The following UBE2E2 variants were observed in gnomAD, a reference collection of about 807,000 sequenced individuals.
UBE2E2 encodes ubiquitin-conjugating enzyme E2 E2.
In UBE2E2, 6 loss-of-function variants were observed where a neutral mutation model predicts 24.7. The ratio of observed to expected loss-of-function variants is 0.24; its 90% confidence interval spans 0.13 to 0.48. The LOEUF is 0.48. Ranked by LOEUF, UBE2E2 falls within the 20% of genes least tolerant of loss-of-function variation. The pLI, the probability that UBE2E2 is intolerant of heterozygous loss-of-function variation, is 0.99. For synonymous variants in UBE2E2, 104 were observed against 83.6 expected (o/e 1.24, Z -1.33); for missense variants, 169 against 245.0 (o/e 0.69, Z 2.07).
intron 4 of UBE2E2, among the ~76,000 whole-genome samples, chr3:23,509,460 T>C (rs1293579979): frequency 6.6e-6 from 1 of 152,234 alleles, no homozygotes; most frequent in Admixed American, 6.5e-5. Flanking sequence ...TGTGACGTTA[T>C]TTTGTTCAAG....
At chr3:23,483,974 T>G (rs571136644) in intron 3 of UBE2E2, among the ~76,000 whole-genome samples, 1 of 152,322 alleles carries the variant, frequency 6.6e-6, no homozygotes, top group East Asian at 1.9e-4. Context: ...AGCAGCGAAC[T>G]TAATGACCCC....
chr3:23,534,314 C>G (rs1695202645), intron 5 of UBE2E2: 1 of 881,694 alleles, frequency 1.1e-6, no homozygotes, highest in Non-Finnish European at 1.4e-6. Context: ...AAAAAGACTT[C>G]TGTTCAGTGA....
chr3:23,245,930 G>T (rs1697382349), intron 3 of UBE2E2, among the ~76,000 whole-genome samples: 1 of 152,184 alleles, frequency 6.6e-6, no homozygotes, highest in Non-Finnish European at 1.5e-5. Context: ...TAATGGATAA[G>T]TAGGTGGATA....
At position 23,403,808 on chromosome 3, in the gene UBE2E2, C is replaced by CAA. The variant is rs375422962; in HGVS notation, c.228-95783_228-95782dup. On this transcript the variant is annotated intron_variant, in intron 3 of 5. Transcript: ENST00000396703. The stretch of plus-strand genomic sequence containing the variant: ...GGGCGACAAAGTGAGATTCCGTCTC[C>CAA]AAAAAAAAAAAAAAAAAAGCCATTG... 1.9e-4 allele frequency among the ~76,000 whole-genome samples: 16 copies of CAA among 82,154 alleles called. 1 individual carries two copies. In the South Asian group the frequency reaches 4.0e-3, roughly 21 times the overall value. The allele number at this position is 82,154 out of a possible 152,430, so 53.9% of individuals were successfully genotyped here.
At chr3:23,334,230 A>G (rs1695144938) in intron 3 of UBE2E2, among the ~76,000 whole-genome samples, 1 of 152,180 alleles carries the variant, frequency 6.6e-6, no homozygotes. Context: ...TTTTCTTTTA[A>G]AAAGAGATTT....
intron 3 of UBE2E2, among the ~76,000 whole-genome samples, chr3:23,356,946 C>T (rs1695973267): frequency 6.6e-6 from 1 of 152,334 alleles, no homozygotes; most frequent in South Asian, 2.1e-4. Flanking sequence ...CACTGTGTAA[C>T]TGGGTGATTC....
At chr3:23,396,976 TG>T (rs1313550983) in intron 3 of UBE2E2, among the ~76,000 whole-genome samples, 4 of 152,218 alleles carry the variant, frequency 2.6e-5, no homozygotes, top group Middle Eastern at 3.2e-3. Flanking sequence ...TGCAATGTGC[TG>T]GCTCTTGTGA....
At chr3:23,264,176 C>A (rs1188572965) in intron 3 of UBE2E2, among the ~76,000 whole-genome samples, 1 of 151,804 alleles carries the variant, frequency 6.6e-6, no homozygotes, top group Non-Finnish European at 1.5e-5. Flanking sequence ...GACTGCAAAC[C>A]CTAGGAAGTC....
chr3:23,561,651 A>G (rs1695932207), intron 5 of UBE2E2, among the ~76,000 whole-genome samples: 1 of 151,402 alleles, frequency 6.6e-6, no homozygotes, highest in Non-Finnish European at 1.5e-5. Flanking sequence ...GAATCTATAA[A>G]TTACCTTGGG....
chr3:23,309,608 G>A (rs542918627), intron 3 of UBE2E2, among the ~76,000 whole-genome samples: 8 of 152,116 alleles, frequency 5.3e-5, no homozygotes, highest in African/African-American at 9.7e-5. Context: ...GTCTCCTGAC[G>A]TCTTTCACAT....
intron 1 of UBE2E2, among the ~76,000 whole-genome samples, chr3:23,206,189 C>G (rs1696141605): frequency 1.3e-5 from 2 of 152,064 alleles, no homozygotes; most frequent in African/African-American, 4.8e-5. Flanking sequence ...AGCACCTTTC[C>G]CTGAGGATTG....
intron 5 of UBE2E2, among the ~76,000 whole-genome samples, chr3:23,546,073 A>C (rs948406390): frequency 6.6e-6 from 1 of 152,218 alleles, no homozygotes; most frequent in Non-Finnish European, 1.5e-5. Flanking sequence ...ACTCACGTGT[A>C]GGTATACTAA....
In UBE2E2 at chr3:23,294,297, A is replaced by G. The variant is rs532571349; in HGVS notation, c.227+76985A>G. Reference sequence around the variant, plus strand: ...ATAAATCAGTATGTGCAGTTAAACTAGGAAAAACACTAATATTTATTATAT... The same window carrying G: ...ATAAATCAGTATGTGCAGTTAAACTGGGAAAAACACTAATATTTATTATAT... On this transcript the variant is annotated intron_variant, in intron 3 of 5. Coordinates refer to ENST00000396703, the MANE Select transcript of UBE2E2 (RefSeq NM_152653.4). Among the ~76,000 whole-genome samples, 63 of 152,308 alleles carry G rather than the reference A, an allele frequency of 4.1e-4. 2 individuals carry two copies. The South Asian group carries it at 0.013, about 32-fold the overall frequency.
chr3:23,343,138 T>C (rs1695447178), intron 3 of UBE2E2, among the ~76,000 whole-genome samples: 1 of 152,096 alleles, frequency 6.6e-6, no homozygotes, highest in South Asian at 2.1e-4. Context: ...ACAAACTACA[T>C]TTTCTTATTT....
intron 3 of UBE2E2, among the ~76,000 whole-genome samples, chr3:23,483,018 A>G (rs1699289093): frequency 6.6e-6 from 1 of 152,226 alleles, no homozygotes; most frequent in African/African-American, 2.4e-5. Flanking sequence ...TCTAATCTGT[A>G]CTTTTATTGG....
chr3:23,327,294 T>G (rs1409879981), intron 3 of UBE2E2, among the ~76,000 whole-genome samples: 1 of 152,166 alleles, frequency 6.6e-6, no homozygotes, highest in African/African-American at 2.4e-5. Context: ...CCACCAACAG[T>G]GTAAAAGTGT....
At chr3:23,467,722 C>T (rs1311957388) in intron 3 of UBE2E2, among the ~76,000 whole-genome samples, 1 of 152,146 alleles carries the variant, frequency 6.6e-6, no homozygotes, top group African/African-American at 2.4e-5. Context: ...TACGTTCTCA[C>T]ACTGCTATAA....
At chr3:23,491,520 A>G (rs947703560) in intron 3 of UBE2E2, among the ~76,000 whole-genome samples, 3 of 152,218 alleles carry the variant, frequency 2.0e-5, no homozygotes, top group African/African-American at 7.2e-5. Context: ...GGTCAGACCT[A>G]CAGAACATCT....
At chr3:23,235,293 G>A (rs901132949) in intron 3 of UBE2E2, among the ~76,000 whole-genome samples, 9 of 152,162 alleles carry the variant, frequency 5.9e-5, no homozygotes, top group African/African-American at 1.9e-4. Flanking sequence ...CTTTTCTAAG[G>A]AGGTGAAATC....
Sources: gnomAD v4.1 joint callset for allele counts (sites outside exome capture counted in the v4.1 genomes callset) on GRCh38, gnomAD v4.1.1 for gene constraint, MANE v1.5 for transcripts, NCBI Gene and HGNC (gene_info 2026-07-23, HGNC 2026-07-21) for gene names.